ADGRG7: variants seen among roughly 807,000 people sequenced by gnomAD.
ADGRG7 encodes adhesion G protein-coupled receptor G7, also known as G-protein coupled receptor 128.
A neutral mutation model predicts 88.6 loss-of-function variants in ADGRG7; 82 were observed. The ratio of observed to expected loss-of-function variants is 0.93; its 90% CI spans 0.77 to 1.11. The LOEUF (loss-of-function observed/expected upper bound fraction) is 1.11, where lower values mean the gene tolerates loss of function less well. Ranked by LOEUF, ADGRG7 falls within the 50% of genes most tolerant of loss-of-function variation. ADGRG7 has a pLI of 0.00. For synonymous variants in ADGRG7, 381 were observed against 345.2 expected (o/e 1.10, Z -1.15); for missense variants, 945 against 953.4 (o/e 0.99, Z 0.12).
chr3:100,659,630 A>AAGACCAGTAT, intron 13 of ADGRG7, 58 bp from the exon 14 acceptor site: 1 of 1,492,276 alleles, frequency 6.7e-7, no homozygotes, highest in Non-Finnish European at 9.2e-7. Flanking sequence ...TAATAGCACA[A>AAGACCAGTAT]AGACCAGTAT....
Position 100,643,524 on chromosome 3 carries a change from A to G in ADGRG7, c.839-2A>G. On this transcript the variant is annotated splice_acceptor_variant, in intron 7 of 15. Transcript: ENST00000273352. LOFTEE classifies it high-confidence loss of function. ...ACAATTCTACTCTTTCCCTTCTCAT[A>G]GGAGCTAGCAGTTCTCTAGTTTCTA... 6.2e-7 allele frequency: 1 copy of G among 1,611,696 alleles called. No individual in the cohort carries two copies. Among genetic ancestry groups the G allele is most frequent in the Non-Finnish European group, 8.5e-7 (1 of 1,178,734 alleles).
intron 10 of ADGRG7, among the ~76,000 whole-genome samples, chr3:100,647,934 T>C (rs1707783071): frequency 6.6e-6 from 1 of 152,216 alleles, no homozygotes; most frequent in Non-Finnish European, 1.5e-5. Context: ...GCACAGAACC[T>C]TGCTTTTTAA....
chr3:100,672,591 T>C (rs1052776527), intron 15 of ADGRG7, among the ~76,000 whole-genome samples: 2 of 152,204 alleles, frequency 1.3e-5, no homozygotes, highest in Non-Finnish European at 2.9e-5. Context: ...TTCAATATTA[T>C]GTTGAATAGG....
intron 3 of ADGRG7, among the ~76,000 whole-genome samples, chr3:100,631,358 C>T (rs1707457666): frequency 6.6e-6 from 1 of 152,144 alleles, no homozygotes; most frequent in African/African-American, 2.4e-5. Flanking sequence ...ATAGTATTTT[C>T]TATTTCTAAT....
intron 15 of ADGRG7, among the ~76,000 whole-genome samples, chr3:100,675,343 T>C (rs1450702893): frequency 6.6e-6 from 1 of 152,232 alleles, no homozygotes; most frequent in Non-Finnish European, 1.5e-5. Context: ...TAGCATCAAT[T>C]GAAACAATCA....
At chr3:100,619,459 AG>A (rs1322462184) in intron 1 of ADGRG7, among the ~76,000 whole-genome samples, 1 of 152,222 alleles carries the variant, frequency 6.6e-6, no homozygotes, top group Non-Finnish European at 1.5e-5. Flanking sequence ...AAAGCAGGAA[AG>A]ATCTAAAATT....
At chr3:100,662,408 A>G (rs1178049702) in intron 14 of ADGRG7, among the ~76,000 whole-genome samples, 1 of 152,212 alleles carries the variant, frequency 6.6e-6, no homozygotes, top group African/African-American at 2.4e-5. Flanking sequence ...AACTTTTAGA[A>G]CTAGACAATT....
intron 15 of ADGRG7, among the ~76,000 whole-genome samples, chr3:100,672,564 T>C (rs1319454616): frequency 6.6e-6 from 1 of 152,204 alleles, no homozygotes; most frequent in Non-Finnish European, 1.5e-5. Context: ...TCTTGCCTGA[T>C]TGCCCTGGTC....
intron 1 of ADGRG7, among the ~76,000 whole-genome samples, chr3:100,616,646 G>A (rs1707228610): frequency 6.6e-6 from 1 of 152,004 alleles, no homozygotes; most frequent in Non-Finnish European, 1.5e-5. Flanking sequence ...CCTCATCTCT[G>A]CAAAACACAA....
At chr3:100,650,735 T>C (rs542826089) in intron 11 of ADGRG7, among the ~76,000 whole-genome samples, 2 of 152,302 alleles carry the variant, frequency 1.3e-5, no homozygotes, top group South Asian at 4.1e-4. Flanking sequence ...GTGTAAATAA[T>C]AGATGACTCG....
intron 15 of ADGRG7, among the ~76,000 whole-genome samples, chr3:100,676,471 T>C (rs993858908): frequency 2.0e-5 from 3 of 152,158 alleles, no homozygotes; most frequent in East Asian, 1.9e-4. Flanking sequence ...AGATACTTGA[T>C]ATAATTTCAT....
intron 15 of ADGRG7, among the ~76,000 whole-genome samples, chr3:100,691,847 T>C (rs2094994516): frequency 6.6e-6 from 1 of 152,124 alleles, no homozygotes; most frequent in African/African-American, 2.4e-5. Context: ...AATTAACTTT[T>C]TATGCATACT....
intron 15 of ADGRG7, among the ~76,000 whole-genome samples, chr3:100,675,180 A>T (rs1476430273): frequency 6.6e-6 from 1 of 152,230 alleles, no homozygotes; most frequent in Non-Finnish European, 1.5e-5. Context: ...TCCAGATCTT[A>T]GAGGAAAGGC....
At chr3:100,610,914 A>G (rs545867931) in intron 1 of ADGRG7, among the ~76,000 whole-genome samples, 2 of 152,274 alleles carry the variant, frequency 1.3e-5, no homozygotes, top group South Asian at 4.1e-4. Flanking sequence ...GCAAAGATCC[A>G]GTGTTGAAGA....
At chr3:100,614,067 C>T (rs1171917416) in intron 1 of ADGRG7, among the ~76,000 whole-genome samples, 6 of 152,112 alleles carry the variant, frequency 3.9e-5, no homozygotes, top group African/African-American at 9.7e-5. Context: ...ATGTCTAGGA[C>T]GTTGTAAGTA....
At chr3:100,654,720 A>T in intron 11 of ADGRG7, 115 bp from the exon 12 acceptor site, 1 of 642,040 alleles carries the variant, frequency 1.6e-6, no homozygotes, top group Non-Finnish European at 2.7e-6. Context: ...CTGGGCTATG[A>T]ACTGAACTTA....
At position 100,690,102 on chromosome 3, in the gene ADGRG7, G is replaced by A. The variant is rs190198840; in HGVS notation, c.2137-4642G>A. On this transcript the variant is annotated intron_variant, in intron 15 of 15. Coordinates refer to ENST00000273352, the MANE Select transcript of ADGRG7 (RefSeq NM_032787.3). ...TTATTCTTTTTTCTCTAAACTTCCC[G>A]TCTCGCTTCATTTCATTCATTTCAT... Among the ~76,000 whole-genome samples, 764 of 151,964 alleles carry A rather than the reference G, an allele frequency of 5.0e-3. 6 individuals carry two copies. Among genetic ancestry groups the A allele is most frequent in the African/African-American group, 0.017 (716 of 41,430 alleles).
At chr3:100,651,514 A>C (rs2094929366) in intron 11 of ADGRG7, among the ~76,000 whole-genome samples, 1 of 152,126 alleles carries the variant, frequency 6.6e-6, no homozygotes, top group South Asian at 2.1e-4. Context: ...ACAATTATGC[A>C]ACCAAAGATA....
chr3:100,686,591 T>C (rs1458909712), intron 15 of ADGRG7, among the ~76,000 whole-genome samples: 2 of 152,232 alleles, frequency 1.3e-5, no homozygotes, highest in African/African-American at 2.4e-5. Flanking sequence ...GCTTTCTACA[T>C]ATGGCTAGCC....
Sources: allele counts gnomAD v4.1 joint callset (sites outside exome capture counted in the v4.1 genomes callset), GRCh38; gene constraint gnomAD v4.1.1; transcripts MANE v1.5; gene names NCBI Gene and HGNC (gene_info 2026-07-23, HGNC 2026-07-21).